SEMA5A: variants seen among roughly 807,000 people sequenced by gnomAD.
SEMA5A encodes semaphorin-5A.
A neutral mutation model predicts 135.5 loss-of-function variants in SEMA5A; 55 were observed. The observed-to-expected ratio is 0.41, with a 90% CI of 0.33 to 0.51. The LOEUF is 0.51. Ranked by LOEUF, SEMA5A falls within the 20% of genes least tolerant of loss-of-function variation. SEMA5A has a pLI of 0.37. For synonymous variants in SEMA5A, 580 were observed against 546.5 expected (o/e 1.06, Z -0.85); for missense variants, 1,290 against 1,419.9 (o/e 0.91, Z 1.47).
At chr5:9,310,802 C>CATATATATATATATATATATATAT (rs59096330) in intron 5 of SEMA5A, among the ~76,000 whole-genome samples, 122 of 146,196 alleles carry the variant, frequency 8.3e-4, no homozygotes, top group African/African-American at 2.8e-3. Flanking sequence ...TGCATATATA[C>CATATATATATATATATATATATAT]ATATATATAT....
chr5:9,463,638 C>A (rs1232234249), intron 1 of SEMA5A, among the ~76,000 whole-genome samples: 1 of 152,148 alleles, frequency 6.6e-6, no homozygotes, highest in Non-Finnish European at 1.5e-5. Context: ...AGCAGGTGCT[C>A]CAAGCCACTG....
chr5:9,090,363 G>A (rs13436571), intron 16 of SEMA5A, among the ~76,000 whole-genome samples: 5,014 of 152,212 alleles, frequency 0.033, 241 homozygotes, highest in African/African-American at 0.099. Context: ...GCTTTAAAAC[G>A]AACTTCCATT....
At chr5:9,462,663 A>G (rs900162082) in intron 1 of SEMA5A, among the ~76,000 whole-genome samples, 15 of 152,184 alleles carry the variant, frequency 9.9e-5, no homozygotes, top group Non-Finnish European at 2.9e-5. Flanking sequence ...AATCAAGATC[A>G]TGTCCTTTGC....
At chr5:9,316,327 C>T (rs1416945984) in intron 5 of SEMA5A, among the ~76,000 whole-genome samples, 1 of 152,158 alleles carries the variant, frequency 6.6e-6, no homozygotes, top group African/African-American at 2.4e-5. Flanking sequence ...CAAAAAAATC[C>T]TTCGTTTGTT....
intron 1 of SEMA5A, among the ~76,000 whole-genome samples, chr5:9,462,499 C>A (rs771179031): frequency 1.3e-5 from 2 of 152,150 alleles, no homozygotes; most frequent in Middle Eastern, 3.2e-3. Flanking sequence ...GAATATATAT[C>A]ATTCTACCAT....
At chr5:9,414,391 G>A (rs1320414660) in intron 2 of SEMA5A, among the ~76,000 whole-genome samples, 6 of 152,146 alleles carry the variant, frequency 3.9e-5, no homozygotes, top group African/African-American at 1.4e-4. Flanking sequence ...CTCACTAAAT[G>A]AGCATAAAAT....
intron 8 of SEMA5A, among the ~76,000 whole-genome samples, chr5:9,217,588 C>A (rs1210510576): frequency 6.6e-6 from 1 of 152,154 alleles, no homozygotes; most frequent in Non-Finnish European, 1.5e-5. Context: ...ATATGTTTTC[C>A]AATTTGTTTG....
intron 2 of SEMA5A, among the ~76,000 whole-genome samples, chr5:9,418,059 C>T (rs1242062252): frequency 6.6e-6 from 1 of 151,740 alleles, no homozygotes; most frequent in Non-Finnish European, 1.5e-5. Flanking sequence ...TCACTGCAAC[C>T]TCCGCCTCCC....
At chr5:9,246,332 T>C (rs1368661723) in intron 5 of SEMA5A, among the ~76,000 whole-genome samples, 1 of 152,178 alleles carries the variant, frequency 6.6e-6, no homozygotes, top group African/African-American at 2.4e-5. Flanking sequence ...GATAAAAGTA[T>C]TGACATCGGA....
In SEMA5A at chr5:9,318,396, C is replaced by G; in HGVS notation, c.246G>C (p.Gln82His). Residue 82 changes from glutamine to histidine, a missense_variant, in exon 5 of 23, where the codon CAG becomes CAC. Transcript: ENST00000382496. ...CCTGGATAAGAGACAGATCCTCAAG[C>G]TGTAACCTGAAGAGGTAGTTTCTGC... Reference protein sequence around the residue: ...VGARNYLFRLQLEDLSLIQAV... With the variant: ...VGARNYLFRLHLEDLSLIQAV... 1 of 1,612,418 alleles carries G rather than the reference C, an allele frequency of 6.2e-7. No individual in the cohort carries two copies. Among genetic ancestry groups the G allele is most frequent in the Non-Finnish European group, 8.5e-7 (1 of 1,179,274 alleles).
intron 1 of SEMA5A, among the ~76,000 whole-genome samples, chr5:9,514,264 C>T (rs755521999): frequency 6.6e-6 from 1 of 152,194 alleles, no homozygotes; most frequent in Admixed American, 6.5e-5. Context: ...CCCACATGGA[C>T]AATGCAGAAT....
rs188873136 is a variant in SEMA5A at position 9,224,977 on chromosome 5, G to A, written c.433-90C>T. 205 of 1,228,662 alleles carry A rather than the reference G, an allele frequency of 1.7e-4. No individual in the cohort carries two copies. In the East Asian group the frequency reaches 4.2e-3, roughly 25 times the overall value. The allele number at this position is 1,228,662 out of a possible 1,614,324, so 76.1% of individuals were successfully genotyped here. A position where few individuals can be genotyped will look rare whatever the true frequency, so the allele number is the denominator to read the frequency against. On this transcript the variant is annotated intron_variant, in intron 7 of 22. Transcript: ENST00000382496. Reference sequence around the variant, plus strand: ...TCACACCCACCATCATCACAGTGACGCTTGTGCAACAGCCTCTCGGGGGCC... The same window carrying A: ...TCACACCCACCATCATCACAGTGACACTTGTGCAACAGCCTCTCGGGGGCC...
intron 2 of SEMA5A, among the ~76,000 whole-genome samples, chr5:9,421,524 C>A (rs1450038402): frequency 6.6e-6 from 1 of 151,996 alleles, no homozygotes; most frequent in African/African-American, 2.4e-5. Context: ...GGGTGTTTTT[C>A]TTTGTATAGT....
chr5:9,194,887 G>A (rs904765626), intron 10 of SEMA5A, among the ~76,000 whole-genome samples: 12 of 152,166 alleles, frequency 7.9e-5, no homozygotes, highest in Non-Finnish European at 1.8e-4. Context: ...GAGATTTGCT[G>A]TGTGCTGCAA....
chr5:9,115,718 G>A (rs925859706), intron 15 of SEMA5A, among the ~76,000 whole-genome samples: 7 of 152,278 alleles, frequency 4.6e-5, no homozygotes, highest in Non-Finnish European at 2.9e-5. Flanking sequence ...GTAGGGATGT[G>A]AATGACTGGG....
intron 14 of SEMA5A, 148 bp from the exon 15 acceptor site, chr5:9,119,289 G>C (rs1287887331): frequency 1.1e-6 from 1 of 893,790 alleles, no homozygotes; most frequent in Non-Finnish European, 1.7e-6. Context: ...GGACTGAATG[G>C]ACTGCACCCT....
chr5:9,297,720 AT>A (rs70943952), intron 5 of SEMA5A, among the ~76,000 whole-genome samples: 98 of 144,100 alleles, frequency 6.8e-4, no homozygotes, highest in East Asian at 4.1e-3. Context: ...ATGTCAAGCT[AT>A]TTTTTTTTTT....
intron 2 of SEMA5A, among the ~76,000 whole-genome samples, chr5:9,426,955 C>T (rs1301439339): frequency 6.6e-6 from 1 of 152,168 alleles, no homozygotes; most frequent in Non-Finnish European, 1.5e-5. Flanking sequence ...TAGACCTTAA[C>T]ACCTGGTTTA....
At chr5:9,075,949 G>A (rs537872801) in intron 16 of SEMA5A, among the ~76,000 whole-genome samples, 1 of 152,222 alleles carries the variant, frequency 6.6e-6, no homozygotes, top group South Asian at 2.1e-4. Context: ...GCTCACGCCT[G>A]TAATCCCAGC....
Sources: allele counts gnomAD v4.1 joint callset (sites outside exome capture counted in the v4.1 genomes callset), GRCh38; gene constraint gnomAD v4.1.1; transcripts MANE v1.5; gene names NCBI Gene and HGNC (gene_info 2026-07-23, HGNC 2026-07-21).